The following KLHDC2 variants were observed in gnomAD, a reference collection of about 807,000 sequenced individuals.
KLHDC2 encodes kelch domain containing 2, also known as kelch domain-containing protein 2.
A neutral mutation model predicts 62.3 loss-of-function variants in KLHDC2; 38 were observed. The ratio of observed to expected loss-of-function variants is 0.61; its 90% CI spans 0.47 to 0.80. The LOEUF (loss-of-function observed/expected upper bound fraction) is 0.80. KLHDC2 is among the 30% of genes least tolerant of loss of function. KLHDC2 has a pLI of 0.00. For missense variants in KLHDC2, 430 were observed against 495.3 expected, an observed-to-expected ratio of 0.87 and a Z score of 1.25; for synonymous variants, 159 against 161.0, an observed-to-expected ratio of 0.99 and a Z score of 0.09.
At chr14:49,782,779 C>A (rs750053052) in intron 12 of KLHDC2, 51 bp from the exon 13 acceptor site, 2 of 1,588,064 alleles carry the variant, frequency 1.3e-6, no homozygotes, top group East Asian at 2.2e-5. Context: ...AGTGAATGTA[C>A]TTCCAAACAG....
chr14:49,774,910 G>T, intron 3 of KLHDC2: 4 of 455,978 alleles, frequency 8.8e-6, no homozygotes, highest in South Asian at 3.1e-5. Context: ...CTTCCTGGGT[G>T]GTTTTTCTTT....
chr14:49,780,129 T>G lies in KLHDC2; in HGVS notation c.774-84T>G, dbSNP rs1307454856. 16 of 868,684 alleles carry G rather than the reference T, an allele frequency of 1.8e-5. No homozygotes were observed. In the Admixed American group the frequency reaches 3.1e-4, roughly 17 times the overall value. The allele number at this position is 868,684 out of a possible 1,614,324, so 53.8% of individuals were successfully genotyped here. A position where few individuals can be genotyped will look rare whatever the true frequency, so the allele number is the denominator to read the frequency against. Reference sequence around the variant, plus strand: ...ACTTAAGGTCTCTTTTTTCATAACATGTACATATAAATTTTAAAAGAAAAC... The same window carrying G: ...ACTTAAGGTCTCTTTTTTCATAACAGGTACATATAAATTTTAAAAGAAAAC... On this transcript the variant is annotated intron_variant, in intron 8 of 12. Transcript: ENST00000298307.
intron 2 of KLHDC2, 53 bp downstream of exon 2, chr14:49,771,726 C>A: frequency 2.2e-6 from 2 of 903,914 alleles, no homozygotes; most frequent in Non-Finnish European, 3.7e-6. Context: ...GGGCTGGGCA[C>A]GGTGGCTGGC....
chr14:49,777,694 G>T, intron 3 of KLHDC2, 145 bp from the exon 4 acceptor site: 1 of 527,000 alleles, frequency 1.9e-6, no homozygotes. Context: ...TCTGGACTCT[G>T]AGCAGTCTGG....
At chr14:49,771,164 C>T (rs950560023) in intron 1 of KLHDC2, among the ~76,000 whole-genome samples, 1 of 152,062 alleles carries the variant, frequency 6.6e-6, no homozygotes, top group Admixed American at 6.6e-5. Context: ...GCCTGGCCAA[C>T]ATGGTGAAAC....
Position 49,774,597 on chromosome 14 carries a change from T to C in KLHDC2, c.270T>C (p.Ser90=), listed in dbSNP as rs199573412. Residue 90 remains serine (S), a synonymous_variant, in exon 3 of 13, where the codon TCT becomes TCC. Coordinates refer to ENST00000298307, the MANE Select transcript of KLHDC2 (RefSeq NM_014315.3). ...ACACTGAAGGTGATGTTCCTCCTTCTATGTCAGGAAGCTGTGCTGTGTGTG... is the reference window on the plus strand; with the variant it reads ...ACACTGAAGGTGATGTTCCTCCTTCCATGTCAGGAAGCTGTGCTGTGTGTG... The part of the protein sequence containing the change: ...KINTEGDVPP[S]MSGSCAVCVD... The C allele has an allele frequency of 7.4e-6, 12 of 1,613,866 alleles. No individual in the cohort carries two copies. In the East Asian group the frequency reaches 1.8e-4, roughly 24 times the overall value.
Position 49,784,457 on chromosome 14 carries a change from G to A in KLHDC2, c.*1504G>A, listed in dbSNP as rs1890062218. ...ACTTTTGGAAATCCTATCATAGACAGTGTTTCCTCTATATAAAACTGGGAA... is the reference window on the plus strand; with the variant it reads ...ACTTTTGGAAATCCTATCATAGACAATGTTTCCTCTATATAAAACTGGGAA... On this transcript the variant is annotated 3_prime_UTR_variant, in exon 13 of 13. Coordinates refer to ENST00000298307, the MANE Select transcript of KLHDC2 (RefSeq NM_014315.3). The A allele has an allele frequency of 1.8e-6, 1 of 546,260 alleles. No individual in the cohort carries two copies. Among genetic ancestry groups the A allele is most frequent in the Non-Finnish European group, 3.2e-6 (1 of 308,764 alleles). The allele number at this position is 546,260 out of a possible 1,614,324, so 33.8% of individuals were successfully genotyped here.
In KLHDC2 at chr14:49,780,234, A is replaced by G. The variant is rs766173999; in HGVS notation, c.795A>G (p.Pro265=). ...TCAGAATTCCACAAGGCATATGCCC[A>G]GTTGGTCGATCTTGGCACTCACTAA... is the stretch of plus-strand genomic sequence containing the variant. The part of the protein sequence containing the change: ...WNELIPQGIC[P]VGRSWHSLTP... Residue 265 remains proline, a synonymous_variant, in exon 9 of 13, where the codon CCA becomes CCG. Coordinates refer to ENST00000298307, the MANE Select transcript of KLHDC2 (RefSeq NM_014315.3). 1.2e-6 allele frequency: 2 copies of G among 1,611,708 alleles called. No homozygotes were observed.
Position 49,786,124 on chromosome 14 carries a change from T to TA in KLHDC2, c.*3172dup, listed in dbSNP as rs1327341089. 1 of 152,762 alleles carries TA rather than the reference T, an allele frequency of 6.5e-6. No homozygotes were observed. Among genetic ancestry groups the TA allele is most frequent in the African/African-American group, 2.4e-5 (1 of 41,354 alleles). The allele number at this position is 152,762 out of a possible 1,614,324, so 9.5% of individuals were successfully genotyped here. ...TGACACGATGAGGGGTGAGAAGGAA[T>TA]AGGTAGGGGCTGCTACTGGGATCTA... is the stretch of plus-strand genomic sequence containing the variant. On this transcript the variant is annotated 3_prime_UTR_variant, in exon 13 of 13. Coordinates refer to ENST00000298307, the MANE Select transcript of KLHDC2 (RefSeq NM_014315.3).
intron 8 of KLHDC2, 26 bp downstream of exon 8, chr14:49,779,832 T>A (rs890910596): frequency 2.5e-6 from 4 of 1,570,824 alleles, no homozygotes; most frequent in African/African-American, 1.3e-5. Context: ...GATACATTTT[T>A]CCAAAATTCA....
At position 49,778,458 on chromosome 14, in the gene KLHDC2, T is replaced by C. The variant is rs1412312540; in HGVS notation, c.597T>C (p.Asp199=). Residue 199 remains aspartate, a synonymous_variant, in exon 6 of 13, where the codon GAT becomes GAC. Transcript: ENST00000298307. ...GGAATGATCATGTACATATTTTAGA[T>C]ACTGAAACATTTACCTGGAGCCAGC... ...RGWNDHVHIL[D]TETFTWSQPI... The C allele has an allele frequency of 6.3e-7, 1 of 1,585,060 alleles. No individual in the cohort carries two copies. Among genetic ancestry groups the C allele is most frequent in the Non-Finnish European group, 8.6e-7 (1 of 1,159,270 alleles).
At chr14:49,777,234 T>C (rs1300083381) in intron 3 of KLHDC2, among the ~76,000 whole-genome samples, 1 of 8,970 alleles carries the variant, frequency 1.1e-4, no homozygotes, top group Admixed American at 2.3e-3. Context: ...CAGTGGACTT[T>C]GGGGACTCAG....
chr14:49,782,778 A>G, intron 12 of KLHDC2, 52 bp from the exon 13 acceptor site: 2 of 1,576,808 alleles, frequency 1.3e-6, no homozygotes, highest in Non-Finnish European at 1.7e-6. Flanking sequence ...AAGTGAATGT[A>G]CTTCCAAACA....
chr14:49,770,500 A>G (rs1889640418), intron 1 of KLHDC2, among the ~76,000 whole-genome samples: 1 of 152,134 alleles, frequency 6.6e-6, no homozygotes, highest in African/African-American at 2.4e-5. Flanking sequence ...TTTGACACCC[A>G]TTTTTGGCTA....
chr14:49,777,980 G>A (rs746574003), intron 4 of KLHDC2, 26 bp downstream of exon 4: 1 of 1,408,664 alleles, frequency 7.1e-7, no homozygotes, highest in Admixed American at 1.8e-5. Context: ...TACAGGTTTG[G>A]GTTTTTATGT....
rs745996967 is a variant in KLHDC2 at position 49,768,635 on chromosome 14, C to T, written c.153+14C>T. ...GGCGGCTACAAGGTCAGTGAGTGGC[C>T]GGGCCGCGACGGACGTCGCTCGGCT... On this transcript the variant is annotated intron_variant, in intron 1 of 12. Coordinates refer to ENST00000298307, the MANE Select transcript of KLHDC2 (RefSeq NM_014315.3). 1.9e-6 allele frequency: 3 copies of T among 1,566,814 alleles called. No individual in the cohort carries two copies. Among genetic ancestry groups the T allele is most frequent in the South Asian group, 1.2e-5 (1 of 85,826 alleles).
intron 3 of KLHDC2, 93 bp from the exon 4 acceptor site, chr14:49,777,746 T>A: frequency 5.8e-6 from 4 of 693,728 alleles, no homozygotes; most frequent in Non-Finnish European, 2.5e-6. Context: ...CTGAATTAGA[T>A]GGCACTCTTA....
rs780192897 is a variant in KLHDC2, at chr14:49,768,587, A to T, written c.119A>T (p.Asp40Val). The part of the protein sequence containing the change: ...AERSGHVAVS[D>V]GRHMFVWGGY... ...CGCAGCGGCCACGTAGCCGTCAGCG[A>T]CGGGCGCCACATGTTCGTCTGGGGC... Residue 40 changes from aspartate to valine, a missense_variant, in exon 1 of 13, where the codon GAC (aspartate) becomes GTC (valine). Transcript: ENST00000298307. The T allele has an allele frequency of 1.2e-6, 2 of 1,603,452 alleles. No homozygotes were observed. The highest frequency in any genetic ancestry group is 1.1e-5 in the South Asian group (1 of 89,320).
rs748862075 is a variant in KLHDC2 at position 49,782,395 on chromosome 14, G to A, written c.982G>A (p.Asp328Asn). ...PRLWHTACAS[D>N]EGEVIVFGGC... Reference sequence around the variant, plus strand: ...GTTATGGCACACAGCTTGTGCCAGCGATGAAGGAGAAGTAATTGTTTTTGG... The same window carrying A: ...GTTATGGCACACAGCTTGTGCCAGCAATGAAGGAGAAGTAATTGTTTTTGG... Residue 328 changes from aspartate to asparagine, a missense_variant, in exon 11 of 13, where the codon GAT becomes AAT. By Grantham distance (23) the Asp-to-Asn change is conservative. Coordinates refer to ENST00000298307, the MANE Select transcript of KLHDC2 (RefSeq NM_014315.3). 1.1e-5 allele frequency: 18 copies of A among 1,612,474 alleles called. No individual in the cohort carries two copies. The highest frequency in any genetic ancestry group is 2.7e-5 in the African/African-American group (2 of 74,892).
Sources: allele counts gnomAD v4.1 joint callset (sites outside exome capture counted in the v4.1 genomes callset), GRCh38; gene constraint gnomAD v4.1.1; transcripts MANE v1.5; gene names NCBI Gene and HGNC (gene_info 2026-07-23, HGNC 2026-07-21).